The following KCNU1 variants were observed in gnomAD, a reference collection of about 807,000 sequenced individuals.
The protein encoded by KCNU1 is potassium calcium-activated channel subfamily U member 1.
Under a neutral mutation model 126.8 loss-of-function variants are expected in KCNU1, and 93 were observed. The ratio of observed to expected loss-of-function variants is 0.73; its 90% CI spans 0.62 to 0.87. KCNU1 has a LOEUF of 0.87. Among genes scored for constraint, KCNU1 ranks in the 40% least tolerant of loss-of-function variants. The pLI is 0.00. For missense variants in KCNU1, 1,330 were observed against 1,367.1 expected, an observed-to-expected ratio of 0.97 and a Z score of 0.43; for synonymous variants, 523 against 494.2, an observed-to-expected ratio of 1.06 and a Z score of -0.77.
intron 19 of KCNU1, among the ~76,000 whole-genome samples, chr8:36,900,873 T>C (rs781498658): frequency 2.0e-5 from 3 of 152,096 alleles, no homozygotes; most frequent in Non-Finnish European, 4.4e-5. Context: ...TTTCCCTCCT[T>C]CTATATATGC....
At chr8:36,922,407 T>C in intron 23 of KCNU1, 83 bp from the exon 24 acceptor site, 2 of 1,403,150 alleles carry the variant, frequency 1.4e-6, no homozygotes, top group South Asian at 1.4e-5. Flanking sequence ...GATCAAGTGG[T>C]CGCCCCTTGG....
At chr8:36,802,926 G>T (rs1368320649) in intron 2 of KCNU1, among the ~76,000 whole-genome samples, 7 of 152,160 alleles carry the variant, frequency 4.6e-5, no homozygotes, top group African/African-American at 1.7e-4. Flanking sequence ...AGAAATGTTT[G>T]TGGAATTTGA....
At chr8:36,799,414 G>A (rs968887947) in intron 2 of KCNU1, among the ~76,000 whole-genome samples, 2 of 151,908 alleles carry the variant, frequency 1.3e-5, no homozygotes, top group Non-Finnish European at 2.9e-5. Context: ...TTTCAGTTCA[G>A]GGAATCATCT....
chr8:36,845,800 A>G lies in KCNU1; in HGVS notation c.1794-2A>G. On this transcript the variant is annotated splice_acceptor_variant, in intron 17 of 26. Transcript: ENST00000399881. LOFTEE classifies it high-confidence loss of function. Reference sequence around the variant, plus strand: ...CATTCTTGGTTTTCTTTCATTGTCCAGAGCCTTGTTTTACTGTTCAGTCTG... The same window carrying G: ...CATTCTTGGTTTTCTTTCATTGTCCGGAGCCTTGTTTTACTGTTCAGTCTG... 1 of 1,602,696 alleles carries G rather than the reference A, an allele frequency of 6.2e-7. No individual in the cohort carries two copies. The highest frequency in any genetic ancestry group is 8.5e-7 in the Non-Finnish European group (1 of 1,170,828).
intron 10 of KCNU1, among the ~76,000 whole-genome samples, chr8:36,821,925 C>T (rs1456561961): frequency 2.0e-5 from 3 of 152,044 alleles, no homozygotes; most frequent in Non-Finnish European, 2.9e-5. Context: ...GGCTAAGCAA[C>T]GATGTTTGAC....
At chr8:36,786,751 A>G (rs1286765308) in intron 1 of KCNU1, among the ~76,000 whole-genome samples, 1 of 152,228 alleles carries the variant, frequency 6.6e-6, no homozygotes, top group Non-Finnish European at 1.5e-5. Context: ...ATCATATGAG[A>G]TTACCGTAAC....
At chr8:36,929,173 G>A in intron 24 of KCNU1, 1 of 531,034 alleles carries the variant, frequency 1.9e-6, no homozygotes, top group Non-Finnish European at 3.3e-6. Context: ...CTTGAGGTCA[G>A]GAGTTTGAGA....
intron 24 of KCNU1, among the ~76,000 whole-genome samples, chr8:36,927,266 C>G (rs1808564552): frequency 6.6e-6 from 1 of 152,248 alleles, no homozygotes. Flanking sequence ...CCTTCTGATA[C>G]AGTTGACATT....
intron 21 of KCNU1, among the ~76,000 whole-genome samples, chr8:36,910,016 G>A (rs868789316): frequency 6.6e-6 from 1 of 152,118 alleles, no homozygotes. Context: ...TGTATGGAGA[G>A]GAGGGATTTT....
At position 36,834,837 on chromosome 8, in the gene KCNU1, T is replaced by C. The variant is rs772039749; in HGVS notation, c.1264T>C (p.Ser422Pro). The change falls in exon 12 of 27, where the codon TCC (serine) becomes CCC (proline). Residue 422 changes from serine (S) to proline (P), a missense_variant. Physicochemically the swap from Ser to Pro is moderately conservative, Grantham distance 74. Around this residue, in one of 3 missense-constraint regions of KCNU1, gnomAD observed 1,054 missense variants for 1,053.9 expected, o/e 1.00. Coordinates refer to ENST00000399881, the MANE Select transcript of KCNU1 (RefSeq NM_001031836.3). ...LIIANPLCSD[S>P]HAEDISNIMR... ...TATAGCCAATCCTTTGTGCAGTGAT[T>C]CCCATGCTGAAGATATTTCCAACAT... 8.1e-6 allele frequency: 13 copies of C among 1,611,716 alleles called. No individual in the cohort carries two copies. Among genetic ancestry groups the C allele is most frequent in the African/African-American group, 1.3e-5 (1 of 74,902 alleles).
At chr8:36,934,467 A>G (rs1808796003) in intron 26 of KCNU1, among the ~76,000 whole-genome samples, 1 of 151,976 alleles carries the variant, frequency 6.6e-6, no homozygotes, top group Non-Finnish European at 1.5e-5. Context: ...CTCCCTCTCT[A>G]CCTGAACTCC....
chr8:36,838,767 C>G (rs1804845992), intron 14 of KCNU1, among the ~76,000 whole-genome samples: 1 of 152,036 alleles, frequency 6.6e-6, no homozygotes, highest in Admixed American at 6.5e-5. Flanking sequence ...GATCACCTGT[C>G]ATTATTTATA....
At position 36,863,744 on chromosome 8, in the gene KCNU1, T is replaced by TC. The variant is rs1805806627; in HGVS notation, c.1892-657dup. ...AGTAATGGCTCACCTGTCACATTTT[T>TC]CCCTATTAAAGTGGCTTCATGGTGC... On this transcript the variant is annotated intron_variant, in intron 18 of 26. Transcript: ENST00000399881. 4.6e-5 allele frequency among the ~76,000 whole-genome samples: 7 copies of TC among 152,254 alleles called. No individual in the cohort carries two copies. The South Asian group carries it at 1.5e-3, about 32-fold the overall frequency.
At position 36,840,525 on chromosome 8, in the gene KCNU1, C is replaced by T. The variant is rs1360934406; in HGVS notation, c.1581C>T (p.Thr527=). The T allele has an allele frequency of 6.2e-7, 1 of 1,612,946 alleles. No individual in the cohort carries two copies. Among genetic ancestry groups the T allele is most frequent in the Non-Finnish European group, 8.5e-7 (1 of 1,179,292 alleles). Residue 527 remains threonine, a synonymous_variant, in exon 15 of 27, where the codon ACC becomes ACT. Transcript: ENST00000399881. ...ATAGCATGAAAAACAAAATTCTGAC[C>T]CAACGTCTCTCTGATGACTTTGCTG... ...FLNSMKNKIL[T]QRLSDDFAGM...
At chr8:36,883,378 T>A (rs1187892231) in intron 19 of KCNU1, among the ~76,000 whole-genome samples, 1 of 152,212 alleles carries the variant, frequency 6.6e-6, no homozygotes, top group Non-Finnish European at 1.5e-5. Flanking sequence ...AAATGAGACA[T>A]AATCATCTAA....
intron 2 of KCNU1, among the ~76,000 whole-genome samples, chr8:36,791,177 G>T (rs1802888718): frequency 6.6e-6 from 1 of 152,040 alleles, no homozygotes; most frequent in Non-Finnish European, 1.5e-5. Flanking sequence ...GCATCTATGG[G>T]TTTGATGTTT....
rs1414347145 is a variant in KCNU1 at position 36,918,848 on chromosome 8, A to G, written c.2547A>G (p.Gly849=). 6.2e-7 allele frequency: 1 copy of G among 1,609,068 alleles called. No homozygotes were observed. The highest frequency in any genetic ancestry group is 2.2e-5 in the East Asian group (1 of 44,844). The stretch of plus-strand genomic sequence containing the variant: ...AGGAGACTCCAGGTTACACAAATGG[A>G]CATAATGAGAAATCAAACTGCCGAA... ...VSEETPGYTN[G]HNEKSNCRKV... is the part of the protein sequence containing the mutation. Residue 849 remains glycine, a synonymous_variant, in exon 23 of 27, where the codon GGA becomes GGG. Transcript: ENST00000399881.
chr8:36,787,811 T>C (rs1339189941), intron 2 of KCNU1, among the ~76,000 whole-genome samples: 2 of 147,636 alleles, frequency 1.4e-5, no homozygotes, highest in South Asian at 4.2e-4. Context: ...TATAGTTAAT[T>C]ACTAATTATA....
At chr8:36,792,983 C>G (rs959523696) in intron 2 of KCNU1, among the ~76,000 whole-genome samples, 5 of 151,972 alleles carry the variant, frequency 3.3e-5, no homozygotes, top group African/African-American at 1.2e-4. Flanking sequence ...ATTTGAAAAA[C>G]CCAAATGTGG....
Sources: allele counts gnomAD v4.1 joint callset (sites outside exome capture counted in the v4.1 genomes callset), GRCh38; gene constraint gnomAD v4.1.1; regional missense constraint gnomAD v4.1.1; transcripts MANE v1.5; gene names NCBI Gene and HGNC (gene_info 2026-07-23, HGNC 2026-07-21).